CPOX: variants seen among roughly 807,000 people sequenced by gnomAD.
CPOX encodes coproporphyrinogen oxidase, also known as oxygen-dependent coproporphyrinogen-III oxidase, mitochondrial.
A neutral mutation model predicts 48.9 loss-of-function variants in CPOX; 24 were observed. The ratio of observed to expected loss-of-function variants is 0.49; its 90% CI spans 0.36 to 0.69. The LOEUF (loss-of-function observed/expected upper bound fraction) is 0.69. Ranked by LOEUF, CPOX falls within the 30% of genes least tolerant of loss-of-function variation. CPOX has a pLI of 0.00. For missense variants in CPOX, 549 were observed against 597.3 expected (o/e 0.92, Z 0.84); for synonymous variants, 249 against 234.6 (o/e 1.06, Z -0.56).
chr3:98,572,114 T>G, the CPOX span, among the ~76,000 whole-genome samples: 2 of 152,242 alleles, frequency 1.3e-5, no homozygotes, highest in Non-Finnish European at 2.9e-5. Context: ...ATCTTTAATG[T>G]GCTTCCCCTG....
intron 3 of CPOX, among the ~76,000 whole-genome samples, chr3:98,590,141 T>A (rs538180313): frequency 6.6e-6 from 1 of 152,280 alleles, no homozygotes; most frequent in Admixed American, 6.5e-5. Context: ...ACCATTCTTT[T>A]TGTTTTGTTT....
chr3:98,590,845 TTTTAA>T (rs1356091870), intron 2 of CPOX, 103 bp from the exon 3 acceptor site: 195 of 1,249,032 alleles, frequency 1.6e-4, no homozygotes, highest in Non-Finnish European at 2.0e-4. Flanking sequence ...AAAAGCTGCT[TTTTAA>T]TTTGTCACTT....
At chr3:98,590,135 T>C (rs181578179) in intron 3 of CPOX, among the ~76,000 whole-genome samples, 208 of 152,202 alleles carry the variant, frequency 1.4e-3, no homozygotes, top group Admixed American at 3.7e-3. Flanking sequence ...GTCAATACCA[T>C]TCTTTTTGTT....
chr3:98,581,864 T>C (rs909922028), intron 5 of CPOX, among the ~76,000 whole-genome samples: 1 of 152,210 alleles, frequency 6.6e-6, no homozygotes, highest in Non-Finnish European at 1.5e-5. Flanking sequence ...AACCCAGCTC[T>C]TTCTGGCCTT....
chr3:98,581,549 C>G, intron 5 of CPOX, 38 bp from the exon 6 acceptor site: 1 of 1,498,778 alleles, frequency 6.7e-7, no homozygotes, highest in South Asian at 1.1e-5. Context: ...AGGGCCAGCT[C>G]AATAAAATCT....
At position 98,581,422 on chromosome 3, in the gene CPOX, A is replaced by G; in HGVS notation, c.1262T>C (p.Leu421Ser). The G allele has an allele frequency of 6.2e-7, 1 of 1,613,282 alleles. No homozygotes were observed. Among genetic ancestry groups the G allele is most frequent in the Non-Finnish European group, 8.5e-7 (1 of 1,179,358 alleles). Residue 421 changes from leucine (L) to serine (S), a missense_variant, in exon 6 of 7, where the codon TTA becomes TCA. This residue lies in a region of CPOX where 213 missense variants were observed against 279.1 expected (regional missense o/e 0.76). Transcript: ENST00000647941. Reference sequence around the variant, plus strand: ...ATCTCCTTACCGGGCAGTTAGAGGTAAAGACATCAAGATACTTTCAATTCT... The same window carrying G: ...ATCTCCTTACCGGGCAGTTAGAGGTGAAGACATCAAGATACTTTCAATTCT... ...GSRIESILMS[L>S]PLTARWEYMH...
intron 5 of CPOX, 152 bp from the exon 6 acceptor site, chr3:98,581,663 G>T: frequency 1.6e-6 from 1 of 642,042 alleles, no homozygotes; most frequent in Non-Finnish European, 2.8e-6. Flanking sequence ...CCCATTGAGA[G>T]CTCTCCATCT....
At chr3:98,591,649 T>C (rs758737852) in intron 1 of CPOX, among the ~76,000 whole-genome samples, 10 of 152,212 alleles carry the variant, frequency 6.6e-5, no homozygotes, top group Admixed American at 1.3e-4. Flanking sequence ...TTCAGAACCT[T>C]AGAGTGAGTG....
the CPOX span, among the ~76,000 whole-genome samples, chr3:98,571,273 T>C: frequency 1.3e-5 from 2 of 152,254 alleles, no homozygotes; most frequent in Non-Finnish European, 2.9e-5. Context: ...ATCTTGTTTC[T>C]GCCTGCTAAT....
At chr3:98,592,151 C>G (rs749583196) in intron 1 of CPOX, among the ~76,000 whole-genome samples, 3 of 152,026 alleles carry the variant, frequency 2.0e-5, no homozygotes, top group Non-Finnish European at 4.4e-5. Context: ...TGCTTGAAAA[C>G]ATAAGATGGA....
chr3:98,578,220 T>A (rs924968772), downstream of CPOX: 1 of 950,190 alleles, frequency 1.1e-6, no homozygotes, highest in Non-Finnish European at 1.3e-6. Context: ...GTTATGCAAT[T>A]CTTTTCAGAC....
chr3:98,581,356 T>A (rs746853754), intron 6 of CPOX, 51 bp downstream of exon 6: 1 of 1,292,446 alleles, frequency 7.7e-7, no homozygotes, highest in Admixed American at 1.7e-5. Context: ...TTTGTGGGTG[T>A]TTGGGAATTG....
chr3:98,576,070 C>A (rs1464602410), downstream of CPOX, among the ~76,000 whole-genome samples: 1 of 26,790 alleles, frequency 3.7e-5, no homozygotes. Flanking sequence ...GAAACTCTGC[C>A]TCAAAAAAAA....
chr3:98,585,877 TTC>T (rs1707353287), intron 4 of CPOX: 4 of 536,866 alleles, frequency 7.5e-6, no homozygotes, highest in South Asian at 4.0e-5. Flanking sequence ...TTCTTTTCTT[TTC>T]TTTTTTTTTT....
chr3:98,588,924 C>CT, intron 3 of CPOX, 70 bp from the exon 4 acceptor site: 1 of 1,548,748 alleles, frequency 6.5e-7, no homozygotes. Flanking sequence ...TATTAGGACA[C>CT]TTAATTTAGC....
intron 3 of CPOX, chr3:98,590,386 T>A (rs576885785): frequency 2.0e-6 from 1 of 501,368 alleles, no homozygotes; most frequent in South Asian, 2.0e-5. Context: ...TAACCTCAGG[T>A]GATCTGCCCA....
chr3:98,590,573 T>C lies in CPOX; in HGVS notation c.811+59A>G, dbSNP rs1291557195. 4 of 1,161,316 alleles carry C rather than the reference T, an allele frequency of 3.4e-6. No homozygotes were observed. The highest frequency in any genetic ancestry group is 1.5e-5 in the African/African-American group (1 of 66,058). The allele number at this position is 1,161,316 out of a possible 1,614,324, so 71.9% of individuals were successfully genotyped here. Reference sequence around the variant, plus strand: ...CGCTTTTAGATGTTATGCCCTCTTATCTGTTTTAAAATGCACATTTTGCAC... The same window carrying C: ...CGCTTTTAGATGTTATGCCCTCTTACCTGTTTTAAAATGCACATTTTGCAC... On this transcript the variant is annotated intron_variant, in intron 3 of 6. Transcript: ENST00000647941.
chr3:98,579,104 G>T (rs1405924647), downstream of CPOX, among the ~76,000 whole-genome samples: 1 of 152,132 alleles, frequency 6.6e-6, no homozygotes, highest in Non-Finnish European at 1.5e-5. Context: ...TGAGGATGAA[G>T]ACCTTTACGA....
At chr3:98,578,344 C>T (rs761986157), downstream of CPOX, 39 of 383,966 alleles carry the variant, frequency 1.0e-4, no homozygotes, top group Non-Finnish European at 1.3e-4. Context: ...AATAGGCTAG[C>T]ATTTTAGCAT....
Sources: gnomAD v4.1 joint callset for allele counts (sites outside exome capture counted in the v4.1 genomes callset) on GRCh38, gnomAD v4.1.1 for gene constraint, gnomAD v4.1.1 regional missense constraint, MANE v1.5 for transcripts, NCBI Gene and HGNC (gene_info 2026-07-23, HGNC 2026-07-21) for gene names.